RBFOX1: variants seen among roughly 807,000 people sequenced by gnomAD.
RBFOX1 encodes the protein RNA binding protein fox-1 homolog 1.
Under a neutral mutation model 57.7 loss-of-function variants are expected in RBFOX1, and 8 were observed. The observed-to-expected ratio is 0.14, with a 90% CI of 0.08 to 0.25. RBFOX1 has a LOEUF of 0.25. Among genes scored for constraint, RBFOX1 ranks in the 10% least tolerant of loss-of-function variants. RBFOX1 has a pLI of 1.00. For missense variants in RBFOX1, 611 were observed against 548.5 expected, an observed-to-expected ratio of 1.11 and a Z score of -1.14; for synonymous variants, 326 against 222.4, an observed-to-expected ratio of 1.47 and a Z score of -4.15.
chr16:6,100,052 T>C (rs2096285307), intron 1 of RBFOX1, among the ~76,000 whole-genome samples: 1 of 152,264 alleles, frequency 6.6e-6, no homozygotes, highest in Admixed American at 6.5e-5. Context: ...TTATTCTTTT[T>C]ATAAAATAGC....
intron 4 of RBFOX1, among the ~76,000 whole-genome samples, chr16:5,979,293 T>C (rs1420456171): frequency 6.6e-6 from 1 of 152,202 alleles, no homozygotes; most frequent in Non-Finnish European, 1.5e-5. Context: ...GTTGCAGTGA[T>C]GTGAAATGTA....
At chr16:5,476,317 C>T (rs951083563) in intron 2 of RBFOX1, among the ~76,000 whole-genome samples, 3 of 152,146 alleles carry the variant, frequency 2.0e-5, no homozygotes, top group Admixed American at 6.5e-5. Context: ...GAATCTGATT[C>T]GGTAAATCTG....
intron 2 of RBFOX1, 121 bp from the exon 3 acceptor site, chr16:6,654,482 T>C: frequency 1.3e-6 from 1 of 762,260 alleles, no homozygotes; most frequent in South Asian, 1.9e-5. Context: ...GAAAGAACTA[T>C]TAGGAGCATG....
intron 12 of RBFOX1, among the ~76,000 whole-genome samples, chr16:7,659,938 C>A (rs1026531904): frequency 6.6e-6 from 1 of 152,100 alleles, no homozygotes; most frequent in Non-Finnish European, 1.5e-5. Flanking sequence ...CACACACACC[C>A]AAATTCTATA....
chr16:5,924,525 T>C (rs938453431), intron 4 of RBFOX1, among the ~76,000 whole-genome samples: 3 of 152,134 alleles, frequency 2.0e-5, no homozygotes, highest in African/African-American at 7.2e-5. Context: ...CTCTCTCTCT[T>C]GCCTTCTCTC....
intron 4 of RBFOX1, among the ~76,000 whole-genome samples, chr16:5,901,710 G>C (rs189322104): frequency 6.6e-6 from 1 of 152,322 alleles, no homozygotes; most frequent in Non-Finnish European, 1.5e-5. Context: ...CAGAGAGCAA[G>C]GTTATAGGAC....
At chr16:6,453,071 T>C (rs1293365425) in intron 2 of RBFOX1, among the ~76,000 whole-genome samples, 1 of 152,198 alleles carries the variant, frequency 6.6e-6, no homozygotes, top group Non-Finnish European at 1.5e-5. Context: ...GTACAACTAC[T>C]CTAAAGTGGG....
chr16:5,711,636 G>C (rs555266134), intron 3 of RBFOX1, among the ~76,000 whole-genome samples: 2 of 152,190 alleles, frequency 1.3e-5, no homozygotes, highest in African/African-American at 2.4e-5. Context: ...GATGGGACTG[G>C]GGAGGTGAAC....
chr16:6,278,632 AT>A (rs1004195084), intron 1 of RBFOX1, among the ~76,000 whole-genome samples: 20 of 151,800 alleles, frequency 1.3e-4, no homozygotes, highest in African/African-American at 4.8e-4. Flanking sequence ...TTTTCCTTCT[AT>A]TTTTAGGTTG....
intron 2 of RBFOX1, among the ~76,000 whole-genome samples, chr16:5,495,190 A>G (rs114120733): frequency 7.9e-5 from 12 of 152,338 alleles, no homozygotes; most frequent in African/African-American, 2.9e-4. Flanking sequence ...CAGGAGATCT[A>G]AGGTGTAATG....
In RBFOX1 at chr16:7,292,274, T is replaced by TATATATC. The variant is rs200022351; in HGVS notation, c.28-225859_28-225853dup. Among the ~76,000 whole-genome samples, 153 of 123,552 alleles carry TATATATC rather than the reference T, an allele frequency of 1.2e-3. 5 individuals carry two copies. The highest frequency in any genetic ancestry group is 4.3e-3 in the African/African-American group (143 of 33,154). The allele number at this position is 123,552 out of a possible 152,430, so 81.1% of individuals were successfully genotyped here. A position where few individuals can be genotyped will look rare whatever the true frequency, so the allele number is the denominator to read the frequency against. On this transcript the variant is annotated intron_variant, in intron 4 of 15. Coordinates refer to ENST00000550418, the MANE Select transcript of RBFOX1 (RefSeq NM_018723.4). ...ATATGATATATGATATAGAACGTATTATATATCATATATCATATATGATAT... is the reference window on the plus strand; with the variant it reads ...ATATGATATATGATATAGAACGTATTATATATCATATATCATATATCATATATGATAT...
chr16:5,982,457 G>C (rs1596339560), intron 4 of RBFOX1, among the ~76,000 whole-genome samples: 1 of 151,940 alleles, frequency 6.6e-6, no homozygotes, highest in East Asian at 1.9e-4. Context: ...GTATTTTTTA[G>C]TAGAGAAGGG....
At chr16:7,101,248 G>C (rs968814140) in intron 4 of RBFOX1, among the ~76,000 whole-genome samples, 2 of 152,188 alleles carry the variant, frequency 1.3e-5, no homozygotes, top group African/African-American at 2.4e-5. Flanking sequence ...GTGGCATAGA[G>C]AGAAACCGAG....
At chr16:7,040,833 G>C (rs1597766604) in intron 3 of RBFOX1, among the ~76,000 whole-genome samples, 1 of 152,020 alleles carries the variant, frequency 6.6e-6, no homozygotes, top group Non-Finnish European at 1.5e-5. Context: ...TCAAAGTTTG[G>C]CAAATTGTGG....
chr16:6,949,642 A>T (rs547846710), intron 3 of RBFOX1, among the ~76,000 whole-genome samples: 2 of 152,190 alleles, frequency 1.3e-5, no homozygotes, highest in East Asian at 3.9e-4. Context: ...ATGGCAGTCA[A>T]ATTGGATTAA....
At chr16:5,745,714 G>T (rs1448679432) in intron 3 of RBFOX1, among the ~76,000 whole-genome samples, 1 of 152,072 alleles carries the variant, frequency 6.6e-6, no homozygotes, top group Non-Finnish European at 1.5e-5. Context: ...ATTTTTTCAT[G>T]TGTCTTTTGG....
chr16:5,924,886 G>A (rs1451819942), intron 4 of RBFOX1, among the ~76,000 whole-genome samples: 2 of 152,118 alleles, frequency 1.3e-5, no homozygotes, highest in Non-Finnish European at 2.9e-5. Context: ...AACTGTATCC[G>A]CCTTTGCAGA....
chr16:7,360,008 C>CA (rs935758270), intron 4 of RBFOX1, among the ~76,000 whole-genome samples: 1 of 146,220 alleles, frequency 6.8e-6, no homozygotes, highest in African/African-American at 2.4e-5. Context: ...AACAAACAAA[C>CA]AAAAAAACCA....
At chr16:7,364,047 G>C (rs575458998) in intron 4 of RBFOX1, among the ~76,000 whole-genome samples, 1 of 152,326 alleles carries the variant, frequency 6.6e-6, no homozygotes, top group East Asian at 1.9e-4. Flanking sequence ...AGAACAGCCA[G>C]TCAGCTTTGG....
Sources: gnomAD v4.1 joint callset for allele counts (sites outside exome capture counted in the v4.1 genomes callset) on GRCh38, gnomAD v4.1.1 for gene constraint, MANE v1.5 for transcripts, NCBI Gene and HGNC (gene_info 2026-07-23, HGNC 2026-07-21) for gene names.